NT5DC1: variants seen among roughly 807,000 people sequenced by gnomAD.
NT5DC1 encodes 5'-nucleotidase domain-containing protein 1.
In NT5DC1, 42 loss-of-function variants were observed where a neutral mutation model predicts 59.4. The observed-to-expected ratio is 0.71, with a 90% CI of 0.55 to 0.92. The LOEUF is 0.92. NT5DC1 is among the 40% of genes least tolerant of loss of function. The pLI, the probability that NT5DC1 is intolerant of heterozygous loss-of-function variation, is 0.00. For missense variants in NT5DC1, 501 were observed against 537.1 expected (o/e 0.93, Z 0.66); for synonymous variants, 172 against 188.1 (o/e 0.91, Z 0.70).
chr6:116,126,414 G>T (rs1271699796), intron 6 of NT5DC1, among the ~76,000 whole-genome samples: 1 of 152,024 alleles, frequency 6.6e-6, no homozygotes, highest in Non-Finnish European at 1.5e-5. Flanking sequence ...CTGGTTCACG[G>T]TGGAATGATG....
Position 116,100,878 on chromosome 6 carries a change from A to G in NT5DC1, c.-53A>G. 4 of 1,395,934 alleles carry G rather than the reference A, an allele frequency of 2.9e-6. No individual in the cohort carries two copies. Among genetic ancestry groups the G allele is most frequent in the Non-Finnish European group, 3.9e-6 (4 of 1,018,100 alleles). 86.5% of individuals were successfully genotyped at this position (1,395,934 alleles called of 1,614,324 possible). ...CCTGTCCCGCAGCGTCCCGCCAGCCAGCTCCTTGCACCCTTCGCGGCCGAG... is the reference window on the plus strand; with the variant it reads ...CCTGTCCCGCAGCGTCCCGCCAGCCGGCTCCTTGCACCCTTCGCGGCCGAG... On this transcript the variant is annotated 5_prime_UTR_variant, in exon 1 of 12. Coordinates refer to ENST00000319550, the MANE Select transcript of NT5DC1 (RefSeq NM_152729.3).
In NT5DC1 at chr6:116,111,076, A is replaced by G. The variant is rs555032395; in HGVS notation, c.364+120A>G. The G allele has an allele frequency of 1.2e-4, 76 of 658,166 alleles. No individual in the cohort carries two copies. In the South Asian group the frequency reaches 1.2e-3, roughly 10 times the overall value. The allele number at this position is 658,166 out of a possible 1,614,324, so 40.8% of individuals were successfully genotyped here. On this transcript the variant is annotated intron_variant, in intron 4 of 11. Transcript: ENST00000319550. ...TGCTGGGCAGGATGCCAAAGGGAGC[A>G]GCTTCAGCTTTATAGCAATAGGATG...
At chr6:116,193,090 A>G (rs1204836) in intron 6 of NT5DC1, among the ~76,000 whole-genome samples, 125,384 of 152,102 alleles carry the variant, frequency 0.82, 52,249 homozygotes, top group African/African-American at 0.96. Flanking sequence ...AGACTCTCAT[A>G]TATTACCTGA....
intron 8 of NT5DC1, among the ~76,000 whole-genome samples, chr6:116,231,902 C>T (rs1308894481): frequency 1.3e-5 from 2 of 152,108 alleles, no homozygotes; most frequent in Admixed American, 6.6e-5. Flanking sequence ...CATTTAAAAG[C>T]GTTTTAAAAT....
intron 6 of NT5DC1, among the ~76,000 whole-genome samples, chr6:116,170,726 C>A (rs1431908747): frequency 6.6e-6 from 1 of 152,202 alleles, no homozygotes; most frequent in Non-Finnish European, 1.5e-5. Flanking sequence ...TCAGCCTTAG[C>A]AAACTGCTTG....
At position 116,247,295 on chromosome 6, in the gene NT5DC1, A is replaced by G. The variant is rs1317059080; in HGVS notation, c.*3271A>G. ...CAAATATATTAAATATCTGTAATAT[A>G]AAACTTACCTAGGAAAGTAAAATAG... On this transcript the variant is annotated 3_prime_UTR_variant, in exon 12 of 12. Coordinates refer to ENST00000319550, the MANE Select transcript of NT5DC1 (RefSeq NM_152729.3). 1 of 152,210 alleles carries G rather than the reference A, an allele frequency of 6.6e-6. No homozygotes were observed. Among genetic ancestry groups the G allele is most frequent in the East Asian group, 1.9e-4 (1 of 5,206 alleles). 9.4% of individuals were successfully genotyped at this position (152,210 alleles called of 1,614,324 possible).
intron 6 of NT5DC1, among the ~76,000 whole-genome samples, chr6:116,164,310 A>T (rs1278932608): frequency 6.6e-6 from 1 of 152,064 alleles, no homozygotes; most frequent in Non-Finnish European, 1.5e-5. Flanking sequence ...AAATCTTCTT[A>T]TTGAGTTGAA....
chr6:116,151,877 ATTC>A (rs959840178), intron 6 of NT5DC1, among the ~76,000 whole-genome samples: 1 of 152,198 alleles, frequency 6.6e-6, no homozygotes, highest in African/African-American at 2.4e-5. Context: ...CTCATCAAAT[ATTC>A]TTTTGTTCTG....
At chr6:116,240,135 T>C (rs960559608) in intron 11 of NT5DC1, among the ~76,000 whole-genome samples, 7 of 152,060 alleles carry the variant, frequency 4.6e-5, no homozygotes, top group Non-Finnish European at 1.0e-4. Flanking sequence ...ATAAAAGATA[T>C]AGTGAGAAGG....
At chr6:116,154,788 G>A (rs577692580) in intron 6 of NT5DC1, among the ~76,000 whole-genome samples, 3 of 152,172 alleles carry the variant, frequency 2.0e-5, no homozygotes, top group South Asian at 2.1e-4. Context: ...ATTTGTTTAC[G>A]CCTCAGGATT....
At chr6:116,187,836 A>G (rs1453350272) in intron 6 of NT5DC1, among the ~76,000 whole-genome samples, 3 of 152,072 alleles carry the variant, frequency 2.0e-5, no homozygotes, top group Non-Finnish European at 4.4e-5. Flanking sequence ...AACAGTATTG[A>G]TTGATTGTAA....
At chr6:116,126,594 T>G (rs1436016164) in intron 6 of NT5DC1, among the ~76,000 whole-genome samples, 1 of 152,182 alleles carries the variant, frequency 6.6e-6, no homozygotes, top group Non-Finnish European at 1.5e-5. Context: ...TCTATTAATA[T>G]TCATAAATTT....
chr6:116,132,473 GT>G (rs571997614), intron 6 of NT5DC1, among the ~76,000 whole-genome samples: 174 of 147,912 alleles, frequency 1.2e-3, no homozygotes, highest in African/African-American at 3.6e-3. Flanking sequence ...TTGCTTATGA[GT>G]TTTTTTTTTC....
chr6:116,132,044 A>G (rs1316226411), intron 6 of NT5DC1, among the ~76,000 whole-genome samples: 2 of 152,134 alleles, frequency 1.3e-5, no homozygotes, highest in Non-Finnish European at 2.9e-5. Flanking sequence ...CATGGGGTAT[A>G]TGTACCACAT....
chr6:116,146,562 T>G (rs369155115), intron 6 of NT5DC1, among the ~76,000 whole-genome samples: 1 of 152,298 alleles, frequency 6.6e-6, no homozygotes, highest in East Asian at 1.9e-4. Flanking sequence ...GAAGAGAAGG[T>G]TAAATAAATT....
At chr6:116,112,014 T>C (rs1305084492) in intron 4 of NT5DC1, among the ~76,000 whole-genome samples, 1 of 152,228 alleles carries the variant, frequency 6.6e-6, no homozygotes, top group East Asian at 1.9e-4. Context: ...CTGAAATTTA[T>C]TAAGAATCCA....
intron 6 of NT5DC1, among the ~76,000 whole-genome samples, chr6:116,141,082 A>G (rs1390195135): frequency 1.3e-5 from 2 of 152,162 alleles, no homozygotes; most frequent in African/African-American, 2.4e-5. Context: ...GGGTACACCC[A>G]CTTGGTGTCA....
chr6:116,122,289 A>G (rs747396624), intron 6 of NT5DC1, among the ~76,000 whole-genome samples: 3 of 152,216 alleles, frequency 2.0e-5, no homozygotes, highest in African/African-American at 4.8e-5. Flanking sequence ...AAAATCATGT[A>G]CAGAAAAGGC....
intron 6 of NT5DC1, among the ~76,000 whole-genome samples, chr6:116,183,326 C>A (rs1042653340): frequency 6.6e-6 from 1 of 152,046 alleles, no homozygotes; most frequent in East Asian, 1.9e-4. Flanking sequence ...CAGATTTGTT[C>A]TTTTTGCTTA....
Sources: allele counts gnomAD v4.1 joint callset (sites outside exome capture counted in the v4.1 genomes callset), GRCh38; gene constraint gnomAD v4.1.1; transcripts MANE v1.5; gene names NCBI Gene and HGNC (gene_info 2026-07-23, HGNC 2026-07-21).